Variants in SLC16A7 observed in about 807,000 individuals in gnomAD.
SLC16A7 encodes monocarboxylate transporter 2.
SLC16A7 carries 33 observed loss-of-function variants against 34.9 expected under a neutral mutation model. That is an observed-to-expected ratio of 0.94 (90% CI 0.72 to 1.26). SLC16A7 has a LOEUF of 1.26. Among genes scored for constraint, SLC16A7 ranks in the 50% most tolerant of loss-of-function variants. The probability of loss-of-function intolerance (pLI) is 0.00; values close to 1 mark genes in which losing one functional copy is unlikely to be tolerated. For missense variants in SLC16A7, 573 were observed against 578.1 expected, an observed-to-expected ratio of 0.99 and a Z score of 0.09; for synonymous variants, 201 against 206.6, an observed-to-expected ratio of 0.97 and a Z score of 0.23.
At chr12:59,728,224 G>A (rs1333519306) in intron 3 of SLC16A7, among the ~76,000 whole-genome samples, 1 of 152,090 alleles carries the variant, frequency 6.6e-6, no homozygotes, top group Non-Finnish European at 1.5e-5. Flanking sequence ...CATGGATTTG[G>A]GACATAATGG....
chr12:59,726,488 TGACA>T (rs1876250731), intron 3 of SLC16A7, among the ~76,000 whole-genome samples: 1 of 152,128 alleles, frequency 6.6e-6, no homozygotes, highest in South Asian at 2.1e-4. Context: ...TCAGGTACTA[TGACA>T]GACAGCTTTG....
chr12:59,688,196 G>T (rs1871304566), intron 2 of SLC16A7, among the ~76,000 whole-genome samples: 1 of 151,930 alleles, frequency 6.6e-6, no homozygotes, highest in Admixed American at 6.6e-5. Context: ...AGTGTCTCCT[G>T]AAGTCATTGG....
intron 2 of SLC16A7, among the ~76,000 whole-genome samples, chr12:59,702,797 T>G (rs1217230390): frequency 6.6e-6 from 1 of 152,060 alleles, no homozygotes; most frequent in Admixed American, 6.6e-5. Context: ...GAGGATTTTT[T>G]TGCTTGCTTT....
At chr12:59,647,701 A>G (rs1354760137) in intron 1 of SLC16A7, among the ~76,000 whole-genome samples, 1 of 152,118 alleles carries the variant, frequency 6.6e-6, no homozygotes, top group Non-Finnish European at 1.5e-5. Flanking sequence ...GGTAATCAAG[A>G]TGTTGTGGGA....
At chr12:59,599,735 A>G (rs1878595580) in intron 1 of SLC16A7, among the ~76,000 whole-genome samples, 1 of 152,194 alleles carries the variant, frequency 6.6e-6, no homozygotes, top group Non-Finnish European at 1.5e-5. Context: ...CCTCCCTTCA[A>G]CTCATCCCAA....
Position 59,673,092 on chromosome 12 carries a change from C to T in SLC16A7, c.-31+17842C>T, listed in dbSNP as rs982575975. On this transcript the variant is annotated intron_variant, in intron 2 of 5. Transcript: ENST00000547379. ...TTATAGGTTAATGTCTCATTTCCAT[C>T]GCCTCTATAATAAAGTAACTTACAA... 7.0e-4 allele frequency among the ~76,000 whole-genome samples: 106 copies of T among 152,184 alleles called. 1 individual carries two copies. The highest frequency in any genetic ancestry group is 2.3e-3 in the African/African-American group (97 of 41,518).
At chr12:59,755,081 T>G (rs1236512411) in intron 3 of SLC16A7, among the ~76,000 whole-genome samples, 2 of 152,134 alleles carry the variant, frequency 1.3e-5, no homozygotes, top group Non-Finnish European at 2.9e-5. Context: ...AAACTCTCAA[T>G]AAATTAGGTA....
intron 2 of SLC16A7, among the ~76,000 whole-genome samples, chr12:59,670,025 T>C (rs956209616): frequency 6.6e-6 from 1 of 152,188 alleles, no homozygotes; most frequent in Non-Finnish European, 1.5e-5. Context: ...ATTTATTCTC[T>C]CTCCTTTGGA....
chr12:59,637,890 C>T lies in SLC16A7; in HGVS notation c.-129-17262C>T, dbSNP rs76239689. Among the ~76,000 whole-genome samples the T allele has an allele frequency of 5.2e-3, 784 of 152,172 alleles. 43 individuals carry two copies. In the East Asian group the frequency reaches 0.12, roughly 24 times the overall value. Reference sequence around the variant, plus strand: ...TTGCTATAAAAGCAAGTTTGGTTCCCTCTTGCTCTTTCATGCTCTTTTGCT... The same window carrying T: ...TTGCTATAAAAGCAAGTTTGGTTCCTTCTTGCTCTTTCATGCTCTTTTGCT... On this transcript the variant is annotated intron_variant, in intron 1 of 5. Coordinates refer to ENST00000547379, the MANE Select transcript of SLC16A7 (RefSeq NM_001270623.2).
intron 2 of SLC16A7, among the ~76,000 whole-genome samples, chr12:59,662,894 TA>T (rs1401948814): frequency 6.6e-6 from 1 of 152,152 alleles, no homozygotes; most frequent in Non-Finnish European, 1.5e-5. Context: ...GATGTTAAGG[TA>T]ATGTAGTAGA....
At chr12:59,761,872 C>T (rs536370268) in intron 3 of SLC16A7, among the ~76,000 whole-genome samples, 1 of 152,172 alleles carries the variant, frequency 6.6e-6, no homozygotes, top group Admixed American at 6.6e-5. Context: ...TTCATGGTAT[C>T]TGGGCATCAT....
At position 59,610,916 on chromosome 12, in the gene SLC16A7, A is replaced by G. The variant is rs536685728; in HGVS notation, c.-130+14680A>G. ...AAAGTACCATAGACTGAGTGCTTAT[A>G]AACAACACAATTTTTTTTTCACAGT... On this transcript the variant is annotated intron_variant, in intron 1 of 5. Coordinates refer to ENST00000547379, the MANE Select transcript of SLC16A7 (RefSeq NM_001270623.2). 2.6e-5 allele frequency among the ~76,000 whole-genome samples: 4 copies of G among 152,302 alleles called. 1 individual carries two copies. The highest frequency in any genetic ancestry group is 7.2e-5 in the African/African-American group (3 of 41,570).
chr12:59,739,441 CATT>C (rs1878023460), intron 3 of SLC16A7, among the ~76,000 whole-genome samples: 1 of 138,156 alleles, frequency 7.2e-6, no homozygotes, highest in South Asian at 2.6e-4. Flanking sequence ...TCCAGTCTAT[CATT>C]GTTGGACATT....
chr12:59,741,323 A>C (rs1015237279), intron 3 of SLC16A7, among the ~76,000 whole-genome samples: 2 of 152,176 alleles, frequency 1.3e-5, no homozygotes, highest in African/African-American at 4.8e-5. Flanking sequence ...ACCTTGGAGC[A>C]CTTTGAGAAA....
At chr12:59,747,887 T>C (rs1879064293) in intron 3 of SLC16A7, among the ~76,000 whole-genome samples, 1 of 152,136 alleles carries the variant, frequency 6.6e-6, no homozygotes, top group Non-Finnish European at 1.5e-5. Flanking sequence ...TGTGAAGTAG[T>C]CTAGATACCA....
chr12:59,674,587 T>C (rs1407490719), intron 2 of SLC16A7, among the ~76,000 whole-genome samples: 3 of 152,172 alleles, frequency 2.0e-5, no homozygotes, highest in African/African-American at 7.2e-5. Flanking sequence ...ACCAATGTTA[T>C]ATGTATAGGT....
intron 2 of SLC16A7, among the ~76,000 whole-genome samples, chr12:59,701,052 G>A (rs969162185): frequency 5.3e-5 from 8 of 151,638 alleles, no homozygotes; most frequent in Admixed American, 3.3e-4. Flanking sequence ...TACATTAAAT[G>A]TAATAAAAGA....
At chr12:59,696,700 A>G (rs973392302) in intron 2 of SLC16A7, among the ~76,000 whole-genome samples, 1 of 152,036 alleles carries the variant, frequency 6.6e-6, no homozygotes, top group African/African-American at 2.4e-5. Flanking sequence ...GGTCAACTCA[A>G]GAGTCACTAA....
intron 3 of SLC16A7, 105 bp from the exon 4 acceptor site, chr12:59,771,114 A>G: frequency 9.5e-7 from 1 of 1,058,088 alleles, no homozygotes. Flanking sequence ...TTCTCCTCTG[A>G]CCATTAAAAT....
Sources: allele counts gnomAD v4.1 joint callset (sites outside exome capture counted in the v4.1 genomes callset), GRCh38; gene constraint gnomAD v4.1.1; transcripts MANE v1.5; gene names NCBI Gene and HGNC (gene_info 2026-07-23, HGNC 2026-07-21).